Variants in KIRREL3 observed in about 807,000 individuals in gnomAD.
KIRREL3 encodes kirre like nephrin family adhesion molecule 3.
A neutral mutation model predicts 89.7 loss-of-function variants in KIRREL3; 36 were observed. That is an observed-to-expected ratio of 0.40 (90% confidence interval 0.31 to 0.53). The LOEUF (loss-of-function observed/expected upper bound fraction) is 0.53. KIRREL3 is among the 20% of genes least tolerant of loss of function. The pLI is 0.49. For synonymous variants in KIRREL3, 445 were observed against 441.4 expected, an observed-to-expected ratio of 1.01 and a Z score of -0.10; for missense variants, 864 against 1,056.6, an observed-to-expected ratio of 0.82 and a Z score of 2.53.
In KIRREL3 at chr11:126,643,200, G is replaced by T. The variant is rs1488012942; in HGVS notation, c.56-80288C>A. Among the ~76,000 whole-genome samples, 2 of 152,126 alleles carry T rather than the reference G, an allele frequency of 1.3e-5. No individual in the cohort carries two copies. Among genetic ancestry groups the T allele is most frequent in the Non-Finnish European group, 2.9e-5 (2 of 68,032 alleles). ...TATTTCTATAACAAGAATATTAATG[G>T]TATCTATTTCATAGGGTTAACATGG... On this transcript the variant is annotated intron_variant, in intron 1 of 16. Coordinates refer to ENST00000525144, the MANE Select transcript of KIRREL3 (RefSeq NM_032531.4). The surrounding 1 kb of genome is among the most constrained non-coding windows in gnomAD (Gnocchi z 4.5).
intron 1 of KIRREL3, among the ~76,000 whole-genome samples, chr11:126,680,348 G>A (rs1193305407): frequency 1.3e-5 from 2 of 151,930 alleles, no homozygotes; most frequent in African/African-American, 2.4e-5. Context: ...AAGGGACCGC[G>A]TACTGATCCA....
In KIRREL3 at chr11:126,496,088, C is replaced by A. The variant is rs924818016; in HGVS notation, c.434-22622G>T. Among the ~76,000 whole-genome samples the A allele has an allele frequency of 6.6e-6, 1 of 152,166 alleles. No homozygotes were observed. The highest frequency in any genetic ancestry group is 1.5e-5 in the Non-Finnish European group (1 of 68,042). ...AGAGATCCAGAACCATTCAGCTAAGCCAGGCTCAGTTTCTTGACCTGCAGA... is the reference window on the plus strand; with the variant it reads ...AGAGATCCAGAACCATTCAGCTAAGACAGGCTCAGTTTCTTGACCTGCAGA... On this transcript the variant is annotated intron_variant, in intron 4 of 16. Coordinates refer to ENST00000525144, the MANE Select transcript of KIRREL3 (RefSeq NM_032531.4). The surrounding 1 kb of genome is among the most constrained non-coding windows in gnomAD (Gnocchi z 4.9).
rs1939149546 is a variant in KIRREL3, at chr11:126,550,248, A to C, written c.133+12587T>G. On this transcript the variant is annotated intron_variant, in intron 2 of 16. Transcript: ENST00000525144. This position sits in a 1 kb window ranked among gnomAD's most constrained non-coding sequence, Gnocchi z 4.9. Reference sequence around the variant, plus strand: ...TGGTACTTGGCAGGGATATGGAACCAGATGACCTTTGGTCCCTTCTGGCCT... The same window carrying C: ...TGGTACTTGGCAGGGATATGGAACCCGATGACCTTTGGTCCCTTCTGGCCT... The C allele has an allele frequency of 6.6e-6, 1 of 152,258 alleles. No individual in the cohort carries two copies. The highest frequency in any genetic ancestry group is 1.5e-5 in the Non-Finnish European group (1 of 68,070). 9.4% of individuals were successfully genotyped at this position (152,258 alleles called of 1,614,324 possible). A position where few individuals can be genotyped will look rare whatever the true frequency, so the allele number is the denominator to read the frequency against.
At chr11:126,634,120 G>T (rs189151763) in intron 1 of KIRREL3, among the ~76,000 whole-genome samples, 1 of 152,242 alleles carries the variant, frequency 6.6e-6, no homozygotes, top group East Asian at 1.9e-4. Flanking sequence ...TCTTTTTCTG[G>T]GGTGATCCAG....
Position 126,463,159 on chromosome 11 carries a change from TG to T in KIRREL3, c.739del (p.Gln247SerfsTer70). 1 of 1,612,890 alleles carries T rather than the reference TG, an allele frequency of 6.2e-7. No homozygotes were observed. The highest frequency in any genetic ancestry group is 8.5e-7 in the Non-Finnish European group (1 of 1,179,688). On this transcript the variant is annotated frameshift_variant, in exon 6 of 17. Transcript: ENST00000525144. LOFTEE classifies it high-confidence loss of function. This position sits in a 1 kb window ranked among gnomAD's most constrained non-coding sequence, Gnocchi z 5.9. ...GKETSVTIDI[Q>X]HPPLVNLSVE... The stretch of plus-strand genomic sequence containing the variant: ...TGGGGGAGGGGGTGGGTACTCACGC[TG>T]GATGTCAATGGTGACCGACGTCTCC...
At chr11:126,895,648 A>C (rs940089020) in intron 1 of KIRREL3, among the ~76,000 whole-genome samples, 1 of 152,070 alleles carries the variant, frequency 6.6e-6, no homozygotes, top group Non-Finnish European at 1.5e-5. Flanking sequence ...TAGGTCTTAG[A>C]CCCAGCAAGG....
chr11:126,533,740 T>C (rs1272326918), intron 2 of KIRREL3, among the ~76,000 whole-genome samples: 1 of 152,202 alleles, frequency 6.6e-6, no homozygotes, highest in Non-Finnish European at 1.5e-5. Flanking sequence ...TGGGTTTGAA[T>C]CCTGGCACTT....
intron 1 of KIRREL3, among the ~76,000 whole-genome samples, chr11:126,816,583 C>T (rs1951580130): frequency 6.6e-6 from 1 of 152,178 alleles, no homozygotes; most frequent in Non-Finnish European, 1.5e-5. Context: ...ATCTCTCAGG[C>T]TGAATTTTGA....
Position 126,526,505 on chromosome 11 carries a change from C to G in KIRREL3, c.283+33G>C. 1 of 1,594,772 alleles carries G rather than the reference C, an allele frequency of 6.3e-7. No individual in the cohort carries two copies. The highest frequency in any genetic ancestry group is 8.6e-7 in the Non-Finnish European group (1 of 1,166,036). ...TGGGTGAGTAAGGAAGTGATGGCCC[C>G]AGGCCCACCCCAGGAGGTCTGGAGG... On this transcript the variant is annotated intron_variant, in intron 3 of 16. Coordinates refer to ENST00000525144, the MANE Select transcript of KIRREL3 (RefSeq NM_032531.4). This position sits in a 1 kb window ranked among gnomAD's most constrained non-coding sequence, Gnocchi z 5.7.
intron 1 of KIRREL3, among the ~76,000 whole-genome samples, chr11:126,899,339 G>A (rs1437173255): frequency 6.6e-6 from 1 of 152,142 alleles, no homozygotes; most frequent in African/African-American, 2.4e-5. Flanking sequence ...GGTCATCAAA[G>A]TCATTTGCAC....
At chr11:126,547,708 C>T (rs948076139) in intron 2 of KIRREL3, among the ~76,000 whole-genome samples, 3 of 152,152 alleles carry the variant, frequency 2.0e-5, no homozygotes, top group South Asian at 2.1e-4. Flanking sequence ...AGTGGGGGGT[C>T]TGTGGTCAGT....
chr11:126,894,787 A>G (rs1946084852), intron 1 of KIRREL3, among the ~76,000 whole-genome samples: 1 of 151,940 alleles, frequency 6.6e-6, no homozygotes. Flanking sequence ...AGTATAATAA[A>G]GAGGCTCCAG....
At chr11:126,849,588 C>T (rs890060927) in intron 1 of KIRREL3, among the ~76,000 whole-genome samples, 1 of 152,148 alleles carries the variant, frequency 6.6e-6, no homozygotes, top group Non-Finnish European at 1.5e-5. Context: ...TTCTATTTCT[C>T]CTGTCCCTGC....
intron 1 of KIRREL3, among the ~76,000 whole-genome samples, chr11:126,941,561 T>C (rs1948447431): frequency 6.6e-6 from 1 of 152,242 alleles, no homozygotes; most frequent in Non-Finnish European, 1.5e-5. Context: ...TCCGGCAGCC[T>C]AGACAATGGG....
At position 126,544,278 on chromosome 11, in the gene KIRREL3, A is replaced by G. The variant is rs1938607219; in HGVS notation, c.134-17591T>C. ...TCTGCTCAGAATTTACGGGGCAAAT[A>G]CCATTTAACTGCACAATAACTGCAG... On this transcript the variant is annotated intron_variant, in intron 2 of 16. Transcript: ENST00000525144. The surrounding 1 kb of genome is among the most constrained non-coding windows in gnomAD (Gnocchi z 5.6). The G allele has an allele frequency of 6.6e-6, 1 of 152,188 alleles. No homozygotes were observed. Among genetic ancestry groups the G allele is most frequent in the African/African-American group, 2.4e-5 (1 of 41,442 alleles). 9.4% of individuals were successfully genotyped at this position (152,188 alleles called of 1,614,324 possible).
In KIRREL3 at chr11:126,903,755, T is replaced by C. The variant is rs965508835; in HGVS notation, c.55+96700A>G. On this transcript the variant is annotated intron_variant, in intron 1 of 16. Transcript: ENST00000525144. This position sits in a 1 kb window ranked among gnomAD's most constrained non-coding sequence, Gnocchi z 4.5. ...CCAACGCTTTCTGTAATCACCTTAA[T>C]AGGTCAACATAACAATGGATGTTGC... is the stretch of plus-strand genomic sequence containing the variant. Among the ~76,000 whole-genome samples, 1 of 152,208 alleles carries C rather than the reference T, an allele frequency of 6.6e-6. No individual in the cohort carries two copies. The highest frequency in any genetic ancestry group is 2.4e-5 in the African/African-American group (1 of 41,454).
At chr11:126,589,373 CG>C (rs1369202543) in intron 1 of KIRREL3, among the ~76,000 whole-genome samples, 2 of 152,192 alleles carry the variant, frequency 1.3e-5, no homozygotes, top group African/African-American at 2.4e-5. Flanking sequence ...CAGCTTTGTC[CG>C]GGAACTGTGC....
At position 126,498,458 on chromosome 11, in the gene KIRREL3, A is replaced by G. The variant is rs1246097681; in HGVS notation, c.433+22857T>C. On this transcript the variant is annotated intron_variant, in intron 4 of 16. Coordinates refer to ENST00000525144, the MANE Select transcript of KIRREL3 (RefSeq NM_032531.4). The surrounding 1 kb of genome is among the most constrained non-coding windows in gnomAD (Gnocchi z 4.3). ...GAAAGACCTGCTGCTAATTGTCGCT[A>G]GGCATCACACTATCCTGTCTGTCAG... Among the ~76,000 whole-genome samples the G allele has an allele frequency of 6.6e-6, 1 of 152,200 alleles. No individual in the cohort carries two copies. Among genetic ancestry groups the G allele is most frequent in the Non-Finnish European group, 1.5e-5 (1 of 68,046 alleles).
At chr11:126,823,955 C>G (rs914351297) in intron 1 of KIRREL3, among the ~76,000 whole-genome samples, 1 of 152,118 alleles carries the variant, frequency 6.6e-6, no homozygotes, top group Non-Finnish European at 1.5e-5. Context: ...CTGGAGCTAC[C>G]TGTAGATTGT....
Sources: gnomAD v4.1 joint callset for allele counts (sites outside exome capture counted in the v4.1 genomes callset) on GRCh38, gnomAD v4.1.1 for gene constraint, Gnocchi (gnomAD v3.1) non-coding constraint, MANE v1.5 for transcripts, NCBI Gene and HGNC (gene_info 2026-07-23, HGNC 2026-07-21) for gene names.